Variants in MEIS3 observed in about 807,000 individuals in gnomAD.
MEIS3 encodes homeobox protein Meis3.
MEIS3 carries 38 observed loss-of-function variants against 51.4 expected under a neutral mutation model. The observed-to-expected ratio is 0.74, with a 90% CI of 0.57 to 0.97. The LOEUF is 0.97. MEIS3 is among the 50% of genes least tolerant of loss of function. The probability of loss-of-function intolerance (pLI) is 0.00; values close to 1 mark genes in which losing one functional copy is unlikely to be tolerated. For missense variants in MEIS3, 456 were observed against 502.6 expected (o/e 0.91, Z 0.89); for synonymous variants, 198 against 201.8 (o/e 0.98, Z 0.16).
chr19:47,419,101 C>T lies in MEIS3; in HGVS notation c.-20G>A. On this transcript the variant is annotated 5_prime_UTR_variant, in exon 1 of 13. Transcript: ENST00000558555. ...GGCCATGGGCTGAGGCCGGCGGCAGCTCCTGGGTCCCTCCAGAGCCTGGCC... is the reference window on the plus strand; with the variant it reads ...GGCCATGGGCTGAGGCCGGCGGCAGTTCCTGGGTCCCTCCAGAGCCTGGCC... 1.6e-6 allele frequency: 2 copies of T among 1,242,124 alleles called. No individual in the cohort carries two copies. The highest frequency in any genetic ancestry group is 2.0e-6 in the Non-Finnish European group (2 of 994,078). 76.9% of individuals were successfully genotyped at this position (1,242,124 alleles called of 1,614,324 possible).
At chr19:47,412,902 C>G (rs574844363) in intron 6 of MEIS3, among the ~76,000 whole-genome samples, 7 of 151,758 alleles carry the variant, frequency 4.6e-5, no homozygotes, top group Non-Finnish European at 8.8e-5. Flanking sequence ...CGGGTTTTTG[C>G]CATGTTGGCC....
chr19:47,409,080 T>G lies in MEIS3; in HGVS notation c.858+19A>C, dbSNP rs778519447. 2 of 1,606,842 alleles carry G rather than the reference T, an allele frequency of 1.2e-6. No individual in the cohort carries two copies. The highest frequency in any genetic ancestry group is 1.7e-6 in the Non-Finnish European group (2 of 1,179,342). On this transcript the variant is annotated intron_variant, in intron 8 of 12. Coordinates refer to ENST00000558555, the MANE Select transcript of MEIS3 (RefSeq NM_001301059.2). ...CCTCTCTCCATTCCCACCCTGCACC[T>G]GGGCAGCAGGGCTCTCACCGAGAGG...
upstream of MEIS3, among the ~76,000 whole-genome samples, chr19:47,420,547 C>T (rs964715621): frequency 1.5e-5 from 2 of 136,258 alleles, no homozygotes; most frequent in Admixed American, 7.5e-5. Context: ...CAGAGACAGA[C>T]GCGGGTGGGA....
At chr19:47,403,613 G>A in intron 12 of MEIS3, 60 bp from the exon 13 acceptor site, 1 of 381,854 alleles carries the variant, frequency 2.6e-6, no homozygotes, top group Admixed American at 3.3e-5. Context: ...CCCCACCCCA[G>A]CCCATCTGTG....
Position 47,416,880 on chromosome 19 carries a change from C to G in MEIS3, c.269G>C (p.Gly90Ala), listed in dbSNP as rs1217033905. 6.2e-7 allele frequency: 1 copy of G among 1,613,932 alleles called. No individual in the cohort carries two copies. The highest frequency in any genetic ancestry group is 1.7e-5 in the Admixed American group (1 of 59,970). ...GTCACCTCCAGGGGGTGTCCCCAGCCCAGCTCCGGCCCCGTCACGGGGAGA... is the reference window on the plus strand; with the variant it reads ...GTCACCTCCAGGGGGTGTCCCCAGCGCAGCTCCGGCCCCGTCACGGGGAGA... ...TCSPRDGAGA[G>A]LGTPPGGDVC... The change falls in exon 3 of 13, where the codon GGG becomes GCG. Residue 90 changes from glycine to alanine, a missense_variant. Gly to Ala is a moderately conservative substitution (Grantham distance 60, BLOSUM62 0). Transcript: ENST00000558555.
chr19:47,405,644 G>A (rs534385832), intron 12 of MEIS3, among the ~76,000 whole-genome samples: 105 of 151,436 alleles, frequency 6.9e-4, no homozygotes, highest in African/African-American at 2.5e-3. Flanking sequence ...CCGCCTCCTG[G>A]GTTCAAGTGA....
chr19:47,421,542 C>A (rs12609495), upstream of MEIS3, among the ~76,000 whole-genome samples: 2 of 151,932 alleles, frequency 1.3e-5, no homozygotes, highest in African/African-American at 4.8e-5. Flanking sequence ...CTTTATCAAC[C>A]GCTCTGTGTC....
intron 1 of MEIS3, chr19:47,417,755 C>T: frequency 1.5e-6 from 1 of 654,572 alleles, no homozygotes; most frequent in South Asian, 1.7e-5. Context: ...CATACGAAGC[C>T]TCCCTGTCTT....
At chr19:47,417,828 C>G (rs1386749933) in intron 1 of MEIS3, 1 of 612,010 alleles carries the variant, frequency 1.6e-6, no homozygotes, top group Non-Finnish European at 2.9e-6. Context: ...ATGTCACACT[C>G]CACTCGCCAC....
upstream of MEIS3, among the ~76,000 whole-genome samples, chr19:47,421,672 C>T (rs1211377600): frequency 1.3e-5 from 2 of 151,542 alleles, no homozygotes; most frequent in African/African-American, 4.9e-5. Context: ...GACAGGCCGT[C>T]TCTGTCTCCA....
intron 8 of MEIS3, among the ~76,000 whole-genome samples, chr19:47,408,805 C>A (rs1970972684): frequency 6.6e-6 from 1 of 152,094 alleles, no homozygotes; most frequent in Non-Finnish European, 1.5e-5. Context: ...ATAATAGTAG[C>A]CCCTCCCTCC....
rs183158734 is a variant in MEIS3 at position 47,409,787 on chromosome 19, C to G, written c.598-240G>C. Among the ~76,000 whole-genome samples the G allele has an allele frequency of 2.6e-5, 4 of 151,190 alleles. No homozygotes were observed. In the South Asian group the frequency reaches 8.3e-4, roughly 31 times the overall value. On this transcript the variant is annotated intron_variant, in intron 6 of 12. Transcript: ENST00000558555. Reference sequence around the variant, plus strand: ...CTGAGGCAGGAGAATCGCTTGAACCCGGGAGGCAGAGGTTGCAGTGAGCCG... The same window carrying G: ...CTGAGGCAGGAGAATCGCTTGAACCGGGGAGGCAGAGGTTGCAGTGAGCCG...
At chr19:47,411,087 C>T (rs961231022) in intron 6 of MEIS3, among the ~76,000 whole-genome samples, 12 of 152,236 alleles carry the variant, frequency 7.9e-5, no homozygotes, top group African/African-American at 2.9e-4. Flanking sequence ...CAGGTGCCTG[C>T]CACCACACCT....
intron 12 of MEIS3, chr19:47,406,032 A>T (rs555632253): frequency 6.4e-6 from 1 of 156,998 alleles, no homozygotes; most frequent in African/African-American, 2.4e-5. Context: ...GTGAATGCAC[A>T]GATAAATGGG....
In MEIS3 at chr19:47,409,424, C is replaced by A; in HGVS notation, c.709+12G>T. ...ACTCCCATGTTTCCCTTCCACCTCC[C>A]AAGATTCTCACCTTGGTCACTGGAG... On this transcript the variant is annotated intron_variant, in intron 7 of 12. Coordinates refer to ENST00000558555, the MANE Select transcript of MEIS3 (RefSeq NM_001301059.2). 1.2e-6 allele frequency: 2 copies of A among 1,609,382 alleles called. No individual in the cohort carries two copies. Among genetic ancestry groups the A allele is most frequent in the Non-Finnish European group, 1.7e-6 (2 of 1,175,792 alleles).
chr19:47,406,969 G>A lies in MEIS3; in HGVS notation c.997C>T (p.Gln333Ter). ...CCCTCTGGGCTGAAGGCTGCACCCT[G>A]CCCTGCGAAGGGGGTTCAGAGGTGC... ...PMIDQSNRTG[Q>*]GAAFSPEGQP... The change falls in exon 11 of 13, where the codon CAG becomes TAG. Residue 333 changes from glutamine to a stop codon, truncating the protein, a stop_gained and splice_region_variant. Coordinates refer to ENST00000558555, the MANE Select transcript of MEIS3 (RefSeq NM_001301059.2). LOFTEE classifies it high-confidence loss of function. 1 of 1,574,308 alleles carries A rather than the reference G, an allele frequency of 6.4e-7. No homozygotes were observed. The highest frequency in any genetic ancestry group is 8.6e-7 in the Non-Finnish European group (1 of 1,160,396).
intron 6 of MEIS3, among the ~76,000 whole-genome samples, chr19:47,411,020 T>A (rs1423288894): frequency 1.3e-5 from 2 of 152,148 alleles, no homozygotes; most frequent in Non-Finnish European, 2.9e-5. Flanking sequence ...CAATGCAGCC[T>A]CTGCCTCCCA....
upstream of MEIS3, among the ~76,000 whole-genome samples, chr19:47,420,934 A>T (rs1295431268): frequency 2.7e-3 from 284 of 103,372 alleles, 1 homozygote; most frequent in African/African-American, 0.01. Context: ...ACACACACAC[A>T]CACACACTCT....
intron 6 of MEIS3, among the ~76,000 whole-genome samples, chr19:47,411,992 C>T (rs1599813508): frequency 6.6e-6 from 1 of 151,958 alleles, no homozygotes; most frequent in East Asian, 1.9e-4. Context: ...TACAGTTGCG[C>T]CTGGCTAATT....
Sources: gnomAD v4.1 joint callset for allele counts (sites outside exome capture counted in the v4.1 genomes callset) on GRCh38, gnomAD v4.1.1 for gene constraint, MANE v1.5 for transcripts, NCBI Gene and HGNC (gene_info 2026-07-23, HGNC 2026-07-21) for gene names.